KIF5C: variants seen among roughly 807,000 people sequenced by gnomAD.
The protein encoded by KIF5C is kinesin family member 5C.
A neutral mutation model predicts 125.2 loss-of-function variants in KIF5C; 18 were observed. That is an observed-to-expected ratio of 0.14 (90% CI 0.10 to 0.21). The LOEUF (loss-of-function observed/expected upper bound fraction) is 0.21, where lower values mean the gene tolerates loss of function less well. Among genes scored for constraint, KIF5C ranks in the 10% least tolerant of loss-of-function variants. The pLI is 1.00. For missense variants in KIF5C, 780 were observed against 1,183.8 expected (o/e 0.66, Z 5.01); for synonymous variants, 405 against 434.0 (o/e 0.93, Z 0.83).
intron 10 of KIF5C, among the ~76,000 whole-genome samples, chr2:148,960,769 C>G (rs1203692883): frequency 6.6e-6 from 1 of 152,096 alleles, no homozygotes; most frequent in Non-Finnish European, 1.5e-5. Context: ...GGTAATTAAC[C>G]CGAATCACAA....
chr2:148,933,286 T>C (rs904576114), intron 3 of KIF5C, among the ~76,000 whole-genome samples: 4 of 152,078 alleles, frequency 2.6e-5, no homozygotes, highest in Admixed American at 2.6e-4. Flanking sequence ...TCTGAATTTC[T>C]ATAGCTCTCG....
At chr2:148,999,639 A>G (rs1395805001) in intron 19 of KIF5C, among the ~76,000 whole-genome samples, 1 of 152,200 alleles carries the variant, frequency 6.6e-6, no homozygotes. Context: ...ATTCTGATTA[A>G]TCACCCTCAC....
chr2:148,959,896 A>G (rs1682884724), intron 10 of KIF5C, among the ~76,000 whole-genome samples: 2 of 152,164 alleles, frequency 1.3e-5, no homozygotes, highest in Admixed American at 6.5e-5. Context: ...TGGCTGTGAC[A>G]ATTCATACCT....
intron 23 of KIF5C, among the ~76,000 whole-genome samples, chr2:149,009,146 C>T (rs971958464): frequency 1.3e-5 from 2 of 151,444 alleles, no homozygotes; most frequent in East Asian, 1.9e-4. Context: ...CGCGCCACCA[C>T]TCCTGGCTAA....
At chr2:148,953,378 G>A (rs573111988) in intron 10 of KIF5C, among the ~76,000 whole-genome samples, 6 of 152,252 alleles carry the variant, frequency 3.9e-5, no homozygotes, top group East Asian at 1.9e-4. Flanking sequence ...GTGAGGTTTC[G>A]TTCCTTTCCC....
intron 1 of KIF5C, among the ~76,000 whole-genome samples, chr2:148,912,656 C>G (rs899454365): frequency 7.2e-5 from 11 of 152,184 alleles, no homozygotes; most frequent in Non-Finnish European, 1.6e-4. Context: ...TCTGTGTTGC[C>G]TAGGCTGGTC....
chr2:148,888,004 G>A (rs1416312783), intron 1 of KIF5C, among the ~76,000 whole-genome samples: 2 of 152,238 alleles, frequency 1.3e-5, no homozygotes, highest in African/African-American at 4.8e-5. Flanking sequence ...TCCCCGCTGA[G>A]CACCGCAGCA....
chr2:148,986,813 A>G (rs1410182795), intron 15 of KIF5C, among the ~76,000 whole-genome samples: 1 of 152,180 alleles, frequency 6.6e-6, no homozygotes, highest in Non-Finnish European at 1.5e-5. Flanking sequence ...AGAAAAACCC[A>G]TATATCCCCA....
chr2:148,976,507 AT>A (rs1322712523), intron 12 of KIF5C, among the ~76,000 whole-genome samples: 1 of 151,792 alleles, frequency 6.6e-6, no homozygotes, highest in Non-Finnish European at 1.5e-5. Context: ...TGACCTCGTG[AT>A]CCACCTGCCT....
At chr2:148,969,604 C>T (rs1680848289) in intron 11 of KIF5C, among the ~76,000 whole-genome samples, 1 of 152,130 alleles carries the variant, frequency 6.6e-6, no homozygotes, top group Admixed American at 6.5e-5. Flanking sequence ...TGCTAATCTT[C>T]CTTTGGTGGT....
In KIF5C at chr2:149,010,032, G is replaced by T. The variant is rs943512136; in HGVS notation, c.2551-103G>T. ...TGTACGGAGTGCCAAGGACAACCTA[G>T]CAGGGGCCACCTGTTCAGCAGCAGG... On this transcript the variant is annotated intron_variant, in intron 23 of 25. Coordinates refer to ENST00000435030, the MANE Select transcript of KIF5C (RefSeq NM_004522.3). 49 of 1,452,402 alleles carry T rather than the reference G, an allele frequency of 3.4e-5. 1 individual carries two copies. The highest frequency in any genetic ancestry group is 3.3e-4 in the Admixed American group (12 of 36,368). The allele number at this position is 1,452,402 out of a possible 1,614,324, so 90.0% of individuals were successfully genotyped here.
chr2:149,006,688 A>G (rs761300451), intron 22 of KIF5C, among the ~76,000 whole-genome samples: 2 of 152,202 alleles, frequency 1.3e-5, no homozygotes, highest in African/African-American at 2.4e-5. Flanking sequence ...GCAGAAAATG[A>G]TGGGCAATTT....
chr2:148,877,411 G>A (rs977186114), intron 1 of KIF5C: 1 of 152,280 alleles, frequency 6.6e-6, no homozygotes, highest in Non-Finnish European at 1.5e-5. Flanking sequence ...TATAAGCTAC[G>A]ATTATTGATG....
At chr2:149,021,097 C>G (rs1180249495) in intron 25 of KIF5C, among the ~76,000 whole-genome samples, 1 of 152,192 alleles carries the variant, frequency 6.6e-6, no homozygotes, top group Admixed American at 6.5e-5. Context: ...GAGTCTCACT[C>G]TGTCACCCAG....
chr2:149,007,560 C>T (rs1405209116), intron 22 of KIF5C, among the ~76,000 whole-genome samples: 2 of 152,282 alleles, frequency 1.3e-5, no homozygotes, highest in South Asian at 4.1e-4. Context: ...CTTGTTGTCC[C>T]ACCATGATGG....
intron 1 of KIF5C, among the ~76,000 whole-genome samples, chr2:148,897,072 A>G (rs1318393235): frequency 1.3e-5 from 2 of 152,172 alleles, no homozygotes; most frequent in African/African-American, 2.4e-5. Context: ...ACCTCAGGTG[A>G]TCTGCCCGTC....
At chr2:148,926,941 G>A (rs1574756701) in intron 2 of KIF5C, among the ~76,000 whole-genome samples, 1 of 152,134 alleles carries the variant, frequency 6.6e-6, no homozygotes. Context: ...TTTCAGGGCC[G>A]AGTGGAGTTT....
At chr2:149,022,663 C>A (rs1682566984) in intron 25 of KIF5C, among the ~76,000 whole-genome samples, 1 of 151,956 alleles carries the variant, frequency 6.6e-6, no homozygotes, top group South Asian at 2.1e-4. Flanking sequence ...GTGGCTTATA[C>A]CTGTAATCCC....
intron 25 of KIF5C, among the ~76,000 whole-genome samples, chr2:149,015,928 C>A (rs1682344483): frequency 6.6e-6 from 1 of 152,088 alleles, no homozygotes; most frequent in Non-Finnish European, 1.5e-5. Context: ...AAGGTAACTT[C>A]AAGTAGTGGT....
Sources: allele counts gnomAD v4.1 joint callset (sites outside exome capture counted in the v4.1 genomes callset), GRCh38; gene constraint gnomAD v4.1.1; transcripts MANE v1.5; gene names NCBI Gene and HGNC (gene_info 2026-07-23, HGNC 2026-07-21).